Variants in CNST observed in about 807,000 individuals in gnomAD.
CNST encodes consortin, connexin sorting protein, also known as consortin.
CNST carries 39 observed loss-of-function variants against 72.4 expected under a neutral mutation model. That is an observed-to-expected ratio of 0.54 (90% CI 0.42 to 0.70). CNST has a LOEUF of 0.70. CNST is among the 30% of genes least tolerant of loss of function. The pLI is 0.00. For synonymous variants in CNST, 332 were observed against 320.1 expected (o/e 1.04, Z -0.40); for missense variants, 871 against 868.5 (o/e 1.00, Z -0.04).
At chr1:246,633,386 T>C (rs924403800) in intron 4 of CNST, among the ~76,000 whole-genome samples, 1 of 147,868 alleles carries the variant, frequency 6.8e-6, no homozygotes, top group African/African-American at 2.5e-5. Flanking sequence ...GAGGGGGAGG[T>C]TGCAATAAGC....
At chr1:246,636,652 G>A (rs144131289) in intron 6 of CNST, among the ~76,000 whole-genome samples, 319 of 152,314 alleles carry the variant, frequency 2.1e-3, no homozygotes, top group African/African-American at 7.4e-3. Context: ...GAGCACTTGA[G>A]CGTTTGCTCC....
At chr1:246,615,332 G>A (rs986252051) in intron 2 of CNST, among the ~76,000 whole-genome samples, 1 of 151,958 alleles carries the variant, frequency 6.6e-6, no homozygotes, top group South Asian at 2.1e-4. Context: ...CGTGCCACCA[G>A]GCCCGGCTAA....
Position 246,621,537 on chromosome 1 carries a change from C to T in CNST, c.488C>T (p.Pro163Leu). Reference sequence around the variant, plus strand: ...GCTGAAGTAAATGCTAATGAGCAGCCAGAGGCGCCAAAGCTTGTTCTGCAG... The same window carrying T: ...GCTGAAGTAAATGCTAATGAGCAGCTAGAGGCGCCAAAGCTTGTTCTGCAG... The part of the protein sequence containing the change: ...EAAEVNANEQ[P>L]EAPKLVLQSL... Residue 163 changes from proline (P) to leucine (L), a missense_variant, in exon 3 of 11, where the codon CCA (proline) becomes CTA (leucine). Coordinates refer to ENST00000366513, the MANE Select transcript of CNST (RefSeq NM_152609.3). 6.2e-7 allele frequency: 1 copy of T among 1,614,100 alleles called. No individual in the cohort carries two copies. Among genetic ancestry groups the T allele is most frequent in the Non-Finnish European group, 8.5e-7 (1 of 1,180,002 alleles).
chr1:246,662,830 C>A (rs1245870806), intron 10 of CNST, among the ~76,000 whole-genome samples: 1 of 152,136 alleles, frequency 6.6e-6, no homozygotes, highest in Non-Finnish European at 1.5e-5. Flanking sequence ...CATCGCCGCT[C>A]AGTTTGGACC....
At chr1:246,638,742 G>A (rs944980429) in intron 6 of CNST, among the ~76,000 whole-genome samples, 1 of 152,066 alleles carries the variant, frequency 6.6e-6, no homozygotes, top group East Asian at 1.9e-4. Flanking sequence ...AAGTAAATGA[G>A]GCATCTGGAA....
intron 1 of CNST, among the ~76,000 whole-genome samples, chr1:246,576,373 A>G (rs1055514180): frequency 2.1e-5 from 3 of 141,806 alleles, no homozygotes; most frequent in Non-Finnish European, 4.6e-5. Context: ...ATTTTTACAG[A>G]GCAGCATCGT....
At chr1:246,644,175 C>T (rs546605255) in intron 8 of CNST, among the ~76,000 whole-genome samples, 98 of 152,092 alleles carry the variant, frequency 6.4e-4, no homozygotes, top group African/African-American at 2.3e-3. Context: ...CCGAGGCGGG[C>T]GGTTCACGAG....
At position 246,647,589 on chromosome 1, in the gene CNST, C is replaced by T; in HGVS notation, c.1388C>T (p.Pro463Leu). The change falls in exon 9 of 11, where the codon CCA (proline) becomes CTA (leucine). Residue 463 changes from proline (P) to leucine (L), a missense_variant. By Grantham distance (98) the Pro-to-Leu change is moderately conservative. Coordinates refer to ENST00000366513, the MANE Select transcript of CNST (RefSeq NM_152609.3). The part of the protein sequence containing the change: ...SQAQRKELRL[P>L]LRDASEALPT... ...GCTCAGAGGAAAGAACTCCGTTTGC[C>T]ACTTCGGGATGCTTCTGAGGCGTTG... 2 of 1,614,182 alleles carry T rather than the reference C, an allele frequency of 1.2e-6. No individual in the cohort carries two copies. Among genetic ancestry groups the T allele is most frequent in the Non-Finnish European group, 1.7e-6 (2 of 1,180,038 alleles).
At chr1:246,570,754 G>A (rs1262649799) in intron 1 of CNST, among the ~76,000 whole-genome samples, 1 of 152,216 alleles carries the variant, frequency 6.6e-6, no homozygotes, top group Non-Finnish European at 1.5e-5. Flanking sequence ...AGTTGGATAA[G>A]AGAAAATACA....
In CNST at chr1:246,662,419, T is replaced by G. The variant is rs555037410; in HGVS notation, c.1972+2085T>G. ...ATTTTATTTTTTTTGAGACGGGATC[T>G]CACTCTGTCGCCCGGCTGGAGTGCA... is the stretch of plus-strand genomic sequence containing the variant. On this transcript the variant is annotated intron_variant, in intron 10 of 10. Coordinates refer to ENST00000366513, the MANE Select transcript of CNST (RefSeq NM_152609.3). Among the ~76,000 whole-genome samples, 7 of 152,328 alleles carry G rather than the reference T, an allele frequency of 4.6e-5. No homozygotes were observed. In the South Asian group the frequency reaches 8.3e-4, roughly 18 times the overall value.
At chr1:246,631,207 T>C (rs1425365595) in intron 3 of CNST, among the ~76,000 whole-genome samples, 1 of 152,252 alleles carries the variant, frequency 6.6e-6, no homozygotes, top group Non-Finnish European at 1.5e-5. Flanking sequence ...AGAATGAATC[T>C]GATAACTGAC....
intron 2 of CNST, among the ~76,000 whole-genome samples, 183 bp from the exon 3 acceptor site, chr1:246,621,242 TCAGA>T (rs1006613008): frequency 9.2e-5 from 14 of 152,226 alleles, no homozygotes; most frequent in African/African-American, 3.4e-4. Context: ...TCTGATGTTA[TCAGA>T]CAGAGTTTAA....
chr1:246,660,733 T>C (rs1254128347), intron 10 of CNST, among the ~76,000 whole-genome samples: 1 of 152,116 alleles, frequency 6.6e-6, no homozygotes, highest in Non-Finnish European at 1.5e-5. Flanking sequence ...AAAAAATAAA[T>C]ATAAATAAGT....
chr1:246,579,768 T>G (rs1660669750), intron 1 of CNST, among the ~76,000 whole-genome samples: 1 of 151,998 alleles, frequency 6.6e-6, no homozygotes, highest in Non-Finnish European at 1.5e-5. Flanking sequence ...TAAATAAAAA[T>G]AAAAATCACA....
At chr1:246,605,554 A>C (rs1662676146) in intron 2 of CNST, among the ~76,000 whole-genome samples, 2 of 152,138 alleles carry the variant, frequency 1.3e-5, no homozygotes, top group Non-Finnish European at 2.9e-5. Context: ...AGGACGGGGC[A>C]GGGGTTTTAC....
At chr1:246,599,082 A>G (rs1662083870) in intron 2 of CNST, among the ~76,000 whole-genome samples, 1 of 151,982 alleles carries the variant, frequency 6.6e-6, no homozygotes, top group South Asian at 2.1e-4. Flanking sequence ...AAGGTCAGCT[A>G]GTAAGAATAG....
intron 4 of CNST, among the ~76,000 whole-genome samples, chr1:246,633,485 G>A (rs567138721): frequency 6.6e-6 from 1 of 151,474 alleles, no homozygotes; most frequent in South Asian, 2.1e-4. Flanking sequence ...ATTCATGCCT[G>A]TAATCCCAGC....
At chr1:246,616,427 G>A (rs1157603389) in intron 2 of CNST, among the ~76,000 whole-genome samples, 1 of 152,158 alleles carries the variant, frequency 6.6e-6, no homozygotes, top group African/African-American at 2.4e-5. Flanking sequence ...GCTTGGTGGT[G>A]TGTGCCTGTG....
intron 9 of CNST, among the ~76,000 whole-genome samples, chr1:246,658,710 G>T (rs372390178): frequency 6.8e-6 from 1 of 147,988 alleles, no homozygotes; most frequent in South Asian, 2.1e-4. Context: ...AGTCACTGAG[G>T]CCAGCAAGTC....
Sources: gnomAD v4.1 joint callset for allele counts (sites outside exome capture counted in the v4.1 genomes callset) on GRCh38, gnomAD v4.1.1 for gene constraint, MANE v1.5 for transcripts, NCBI Gene and HGNC (gene_info 2026-07-23, HGNC 2026-07-21) for gene names.